The following SLCO1B3 variants were observed in gnomAD, a reference collection of about 807,000 sequenced individuals.
SLCO1B3 encodes liver-specific organic anion transporter 2.
SLCO1B3 carries 72 observed loss-of-function variants against 71.8 expected under a neutral mutation model. The ratio of observed to expected loss-of-function variants is 1.00; its 90% CI spans 0.83 to 1.22. SLCO1B3 has a LOEUF of 1.22. Among genes scored for constraint, SLCO1B3 ranks in the 50% most tolerant of loss-of-function variants. SLCO1B3 has a pLI of 0.00. For missense variants in SLCO1B3, 911 were observed against 819.7 expected (o/e 1.11, Z -1.36); for synonymous variants, 298 against 278.4 (o/e 1.07, Z -0.70).
chr12:20,821,560 G>A (rs1295737516), intron 3 of SLCO1B3, among the ~76,000 whole-genome samples: 4 of 152,136 alleles, frequency 2.6e-5, no homozygotes, highest in Middle Eastern at 3.4e-3. Flanking sequence ...GTTGGGGCAC[G>A]GAAATAAGGG....
intron 3 of SLCO1B3, among the ~76,000 whole-genome samples, chr12:20,838,883 G>A (rs1170007041): frequency 1.3e-5 from 2 of 151,598 alleles, no homozygotes; most frequent in Non-Finnish European, 2.9e-5. Flanking sequence ...CACTCTTTTT[G>A]TGCTTTTTGT....
chr12:20,844,058 A>G (rs1159962703), intron 3 of SLCO1B3, among the ~76,000 whole-genome samples: 1 of 151,204 alleles, frequency 6.6e-6, no homozygotes, highest in African/African-American at 2.4e-5. Flanking sequence ...CTTTTAAGGA[A>G]TTCATTATTA....
chr12:20,909,416 G>A (rs917832453), intron 15 of SLCO1B3, among the ~76,000 whole-genome samples: 51 of 150,358 alleles, frequency 3.4e-4, no homozygotes, highest in African/African-American at 1.0e-3. Flanking sequence ...CTTGTGATCC[G>A]CCCGCCTTGG....
chr12:20,877,079 C>T (rs932716756), intron 9 of SLCO1B3, among the ~76,000 whole-genome samples: 2 of 152,126 alleles, frequency 1.3e-5, no homozygotes, highest in Admixed American at 6.5e-5. Flanking sequence ...AATCCACCTG[C>T]CTTGGCCTCC....
chr12:20,855,464 C>T (rs1437511931), intron 4 of SLCO1B3, among the ~76,000 whole-genome samples: 1 of 122,520 alleles, frequency 8.2e-6, no homozygotes, highest in African/African-American at 2.6e-5. Context: ...TTGAAAAACT[C>T]TGGTCCTACA....
rs1214014640 is a variant in SLCO1B3 at position 20,875,110 on chromosome 12, A to G, written c.728-125A>G. 3.5e-5 allele frequency: 42 copies of G among 1,202,612 alleles called. No individual in the cohort carries two copies. The East Asian group carries it at 9.6e-4, about 27-fold the overall frequency. The allele number at this position is 1,202,612 out of a possible 1,614,324, so 74.5% of individuals were successfully genotyped here. On this transcript the variant is annotated intron_variant, in intron 8 of 15. Coordinates refer to ENST00000381545, the MANE Select transcript of SLCO1B3 (RefSeq NM_019844.4). ...GAAAAGAAGAAAATAGTGTTTTAGAATTGAAAGTAAACATTTGGTTTACTT... is the reference window on the plus strand; with the variant it reads ...GAAAAGAAGAAAATAGTGTTTTAGAGTTGAAAGTAAACATTTGGTTTACTT...
At chr12:20,854,719 T>C (rs749573766) in intron 3 of SLCO1B3, among the ~76,000 whole-genome samples, 13 of 152,212 alleles carry the variant, frequency 8.5e-5, no homozygotes, top group Non-Finnish European at 1.6e-4. Context: ...TAGCTCACCA[T>C]CATGGCCATC....
At chr12:20,910,291 T>G (rs1591794249) in intron 15 of SLCO1B3, among the ~76,000 whole-genome samples, 1 of 152,188 alleles carries the variant, frequency 6.6e-6, no homozygotes, top group East Asian at 1.9e-4. Context: ...CTGGGCTATT[T>G]ATTCTTTCCA....
At chr12:20,909,885 G>A (rs1328596995) in intron 15 of SLCO1B3, among the ~76,000 whole-genome samples, 1 of 152,054 alleles carries the variant, frequency 6.6e-6, no homozygotes, top group Non-Finnish European at 1.5e-5. Context: ...TTAATATGAT[G>A]AATTATATAA....
chr12:20,870,801 G>A (rs1865460548), intron 8 of SLCO1B3, among the ~76,000 whole-genome samples: 1 of 152,134 alleles, frequency 6.6e-6, no homozygotes, highest in African/African-American at 2.4e-5. Context: ...GCTATTTGAG[G>A]TCATTTGTTG....
chr12:20,884,292 T>A (rs1865750450), intron 13 of SLCO1B3, among the ~76,000 whole-genome samples: 1 of 152,062 alleles, frequency 6.6e-6, no homozygotes. Flanking sequence ...GCTGTTTGTC[T>A]TAATAAGGAA....
chr12:20,854,445 A>G (rs1438965371), intron 3 of SLCO1B3, among the ~76,000 whole-genome samples: 1 of 152,126 alleles, frequency 6.6e-6, no homozygotes, highest in South Asian at 2.1e-4. Flanking sequence ...TTATGCCGCT[A>G]TAATGTCCTT....
intron 3 of SLCO1B3, among the ~76,000 whole-genome samples, chr12:20,836,865 T>A (rs4762680): frequency 6.6e-6 from 1 of 152,016 alleles, no homozygotes; most frequent in Admixed American, 6.5e-5. Flanking sequence ...ATGGTCTCGA[T>A]CTCCTGACCT....
intron 13 of SLCO1B3, among the ~76,000 whole-genome samples, chr12:20,897,942 G>T (rs1343372155): frequency 6.6e-6 from 1 of 152,106 alleles, no homozygotes; most frequent in Non-Finnish European, 1.5e-5. Flanking sequence ...CTAGAATACA[G>T]AAAAGTTTTT....
chr12:20,881,675 CT>C (rs4149167), intron 12 of SLCO1B3, among the ~76,000 whole-genome samples: 16 of 149,050 alleles, frequency 1.1e-4, no homozygotes, highest in Middle Eastern at 6.9e-3. Context: ...AACTCAAAGG[CT>C]TTTTTTTTTC....
chr12:20,859,615 T>C (rs1348679981), intron 5 of SLCO1B3, among the ~76,000 whole-genome samples: 2 of 152,074 alleles, frequency 1.3e-5, no homozygotes, highest in Non-Finnish European at 2.9e-5. Context: ...TCTTTTTCCT[T>C]TGCTTCTGAC....
chr12:20,879,350 G>T, intron 10 of SLCO1B3, 86 bp from the exon 11 acceptor site: 3 of 969,412 alleles, frequency 3.1e-6, no homozygotes, highest in Non-Finnish European at 4.6e-6. Context: ...GAATTTGGTT[G>T]ATATACACTG....
At chr12:20,913,817 A>C (rs974634754) in intron 15 of SLCO1B3, among the ~76,000 whole-genome samples, 1 of 152,078 alleles carries the variant, frequency 6.6e-6, no homozygotes, top group Admixed American at 6.5e-5. Context: ...AGTGGCTTGA[A>C]CATGGCTCAC....
chr12:20,859,427 C>T (rs1053490659), intron 5 of SLCO1B3, among the ~76,000 whole-genome samples: 7 of 152,160 alleles, frequency 4.6e-5, no homozygotes, highest in African/African-American at 1.7e-4. Flanking sequence ...GTTAGAGACA[C>T]CAATTCCTTA....
Sources: allele counts gnomAD v4.1 joint callset (sites outside exome capture counted in the v4.1 genomes callset), GRCh38; gene constraint gnomAD v4.1.1; transcripts MANE v1.5; gene names NCBI Gene and HGNC (gene_info 2026-07-23, HGNC 2026-07-21).